Variants in PDE4D observed in about 807,000 individuals in gnomAD.
PDE4D encodes phosphodiesterase 4D.
Under a neutral mutation model 87.4 loss-of-function variants are expected in PDE4D, and 24 were observed. The observed-to-expected ratio is 0.27, with a 90% CI of 0.20 to 0.39. The LOEUF (loss-of-function observed/expected upper bound fraction) is 0.39. PDE4D is among the 10% of genes least tolerant of loss of function. The pLI, the probability that PDE4D is intolerant of heterozygous loss-of-function variation, is 1.00. For missense variants in PDE4D, 714 were observed against 1,041.0 expected (o/e 0.69, Z 4.32); for synonymous variants, 384 against 383.2 (o/e 1.00, Z -0.02).
intron 5 of PDE4D, among the ~76,000 whole-genome samples, chr5:59,136,672 G>A (rs1777129244): frequency 6.6e-6 from 1 of 152,132 alleles, no homozygotes; most frequent in Non-Finnish European, 1.5e-5. Context: ...TGGAGGATAT[G>A]CAAGAAACTA....
At chr5:59,039,017 C>T (rs1387756523) in intron 5 of PDE4D, 46 bp from the exon 6 acceptor site, 2 of 1,543,328 alleles carry the variant, frequency 1.3e-6, no homozygotes, top group East Asian at 2.5e-5. Context: ...AAGCGCTTCA[C>T]GGGTCCGCTA....
At chr5:60,379,390 G>T (rs1761685117) in intron 1 of PDE4D, among the ~76,000 whole-genome samples, 1 of 152,064 alleles carries the variant, frequency 6.6e-6, no homozygotes, top group Non-Finnish European at 1.5e-5. Context: ...TACTTTCTCT[G>T]GTAAAAGAGG....
chr5:59,216,391 C>G (rs1751270130), intron 1 of PDE4D, among the ~76,000 whole-genome samples: 1 of 152,144 alleles, frequency 6.6e-6, no homozygotes, highest in Non-Finnish European at 1.5e-5. Flanking sequence ...CACTCCTACC[C>G]TATAACATCC....
At chr5:59,492,143 A>C (rs894354099) in intron 1 of PDE4D, among the ~76,000 whole-genome samples, 4 of 152,184 alleles carry the variant, frequency 2.6e-5, no homozygotes, top group African/African-American at 9.7e-5. Flanking sequence ...GGCTTACGGC[A>C]TGTTGCATCA....
At chr5:60,478,605 G>A (rs1748500622) in intron 1 of PDE4D, among the ~76,000 whole-genome samples, 1 of 152,142 alleles carries the variant, frequency 6.6e-6, no homozygotes, top group African/African-American at 2.4e-5. Flanking sequence ...TTCTATTCAT[G>A]CTTTTGTATT....
intron 1 of PDE4D, among the ~76,000 whole-genome samples, chr5:59,822,785 A>G (rs1056741152): frequency 2.0e-5 from 3 of 152,174 alleles, no homozygotes; most frequent in Admixed American, 1.3e-4. Context: ...ACTCATTGTC[A>G]ATTGACTGCT....
chr5:59,964,573 C>T (rs900467637), intron 3 of PDE4D, among the ~76,000 whole-genome samples: 4 of 152,150 alleles, frequency 2.6e-5, no homozygotes, highest in Non-Finnish European at 5.9e-5. Flanking sequence ...TATACCCAAA[C>T]ATAAGTGAGG....
intron 1 of PDE4D, among the ~76,000 whole-genome samples, chr5:59,379,125 A>ACT (rs1785277543): frequency 6.6e-6 from 1 of 152,076 alleles, no homozygotes; most frequent in South Asian, 2.1e-4. Context: ...AGTGCACGGC[A>ACT]ACTAAGCCAC....
chr5:58,997,378 AT>A (rs767581072), intron 6 of PDE4D, among the ~76,000 whole-genome samples: 2 of 152,156 alleles, frequency 1.3e-5, no homozygotes, highest in Non-Finnish European at 2.9e-5. Flanking sequence ...TCATCTAAAA[AT>A]AATTATATAA....
At chr5:59,238,410 A>G (rs1243492868) in intron 1 of PDE4D, among the ~76,000 whole-genome samples, 1 of 152,210 alleles carries the variant, frequency 6.6e-6, no homozygotes, top group Non-Finnish European at 1.5e-5. Flanking sequence ...TTTGAAGAAT[A>G]CATGAGAACT....
At chr5:59,329,198 C>T (rs1164961997) in intron 1 of PDE4D, among the ~76,000 whole-genome samples, 1 of 152,138 alleles carries the variant, frequency 6.6e-6, no homozygotes, top group African/African-American at 2.4e-5. Flanking sequence ...GGTGATTTTC[C>T]ATGAGACTAC....
At chr5:59,466,428 G>T (rs940839861) in intron 1 of PDE4D, among the ~76,000 whole-genome samples, 1 of 152,150 alleles carries the variant, frequency 6.6e-6, no homozygotes. Context: ...GTGGTATGAG[G>T]CTGGGTTCAA....
At chr5:59,186,738 C>A (rs1743006699) in intron 3 of PDE4D, among the ~76,000 whole-genome samples, 1 of 152,154 alleles carries the variant, frequency 6.6e-6, no homozygotes, top group Admixed American at 6.5e-5. Flanking sequence ...TCCTAAGAAG[C>A]CAACCGTGAT....
intron 1 of PDE4D, among the ~76,000 whole-genome samples, chr5:60,193,294 GT>G: frequency 1.3e-5 from 2 of 152,082 alleles, no homozygotes; most frequent in African/African-American, 2.4e-5. Flanking sequence ...AGAGATTTGG[GT>G]TTTATAGGAC....
chr5:59,196,236 A>G (rs1745435871), intron 2 of PDE4D, among the ~76,000 whole-genome samples: 1 of 152,208 alleles, frequency 6.6e-6, no homozygotes, highest in Non-Finnish European at 1.5e-5. Flanking sequence ...AGATGAGAAA[A>G]TTGTAGCTCA....
chr5:59,181,571 T>TATATATATATATATATATATATA (rs1554090340), intron 4 of PDE4D, among the ~76,000 whole-genome samples: 1 of 133,592 alleles, frequency 7.5e-6, no homozygotes, highest in African/African-American at 2.9e-5. Flanking sequence ...TATATATATA[T>TATATATATATATATATATATATA]TAGGTATATA....
intron 3 of PDE4D, among the ~76,000 whole-genome samples, chr5:59,920,220 C>T (rs150704679): frequency 6.6e-6 from 1 of 152,290 alleles, no homozygotes; most frequent in East Asian, 1.9e-4. Flanking sequence ...CAGTTCACAA[C>T]TCACATAACT....
At chr5:59,931,694 C>CTTTTTT (rs35943138) in intron 3 of PDE4D, among the ~76,000 whole-genome samples, 29 of 126,574 alleles carry the variant, frequency 2.3e-4, no homozygotes, top group Non-Finnish European at 2.9e-4. Context: ...TCTTCTTCTT[C>CTTTTTT]TTTTTTTTTT....
intron 3 of PDE4D, among the ~76,000 whole-genome samples, chr5:59,945,661 G>C (rs1272008950): frequency 6.6e-6 from 1 of 152,126 alleles, no homozygotes; most frequent in Non-Finnish European, 1.5e-5. Flanking sequence ...CGTGTCATAG[G>C]ACCTGTTAGA....
Sources: gnomAD v4.1 joint callset for allele counts (sites outside exome capture counted in the v4.1 genomes callset) on GRCh38, gnomAD v4.1.1 for gene constraint, MANE v1.5 for transcripts, NCBI Gene and HGNC (gene_info 2026-07-23, HGNC 2026-07-21) for gene names.